RPRD1B: variants seen among roughly 807,000 people sequenced by gnomAD.
The protein encoded by RPRD1B is regulation of nuclear pre-mRNA domain-containing protein 1B.
Under a neutral mutation model 41.5 loss-of-function variants are expected in RPRD1B, and 11 were observed. That is an observed-to-expected ratio of 0.27 (90% CI 0.17 to 0.44). The LOEUF (loss-of-function observed/expected upper bound fraction) is 0.44, where lower values mean the gene tolerates loss of function less well. Among genes scored for constraint, RPRD1B ranks in the 20% least tolerant of loss-of-function variants. RPRD1B has a pLI of 1.00. For missense variants in RPRD1B, 248 were observed against 389.9 expected, an observed-to-expected ratio of 0.64 and a Z score of 3.06; for synonymous variants, 158 against 155.6, an observed-to-expected ratio of 1.02 and a Z score of -0.12.
chr20:38,083,786 A>T (rs570794631), intron 6 of RPRD1B: 1 of 152,292 alleles, frequency 6.6e-6, no homozygotes, highest in Non-Finnish European at 1.5e-5. Flanking sequence ...GATTGGAGCC[A>T]CAATTTCTTC....
intron 6 of RPRD1B, among the ~76,000 whole-genome samples, chr20:38,080,168 TC>T (rs1160687461): frequency 6.6e-6 from 1 of 152,242 alleles, no homozygotes; most frequent in African/African-American, 2.4e-5. Context: ...CTGTAAGTTG[TC>T]TTTTTGCTCT....
Position 38,069,609 on chromosome 20 carries a change from C to G in RPRD1B, c.831+3353C>G, listed in dbSNP as rs566393446. Among the ~76,000 whole-genome samples, 25 of 152,292 alleles carry G rather than the reference C, an allele frequency of 1.6e-4. No individual in the cohort carries two copies. The South Asian group carries it at 4.8e-3, about 29-fold the overall frequency. ...GCTACGTATTCATTCAGGGAGTCAGCAAAGCCTGTGCCAGCCAGATGTACA... is the reference window on the plus strand; with the variant it reads ...GCTACGTATTCATTCAGGGAGTCAGGAAAGCCTGTGCCAGCCAGATGTACA... On this transcript the variant is annotated intron_variant, in intron 6 of 6. Transcript: ENST00000373433.
intron 3 of RPRD1B, among the ~76,000 whole-genome samples, chr20:38,052,373 A>AT (rs2074194375): frequency 2.0e-5 from 3 of 152,204 alleles, no homozygotes; most frequent in Non-Finnish European, 2.9e-5. Flanking sequence ...AGTTCTAGGC[A>AT]CAACTTCCCT....
chr20:38,085,826 GT>G (rs2074555837), intron 6 of RPRD1B, among the ~76,000 whole-genome samples: 2 of 147,784 alleles, frequency 1.4e-5, no homozygotes, highest in African/African-American at 5.0e-5. Flanking sequence ...GGGGAGTTTT[GT>G]TTGGAGTCAG....
intron 6 of RPRD1B, among the ~76,000 whole-genome samples, chr20:38,067,927 G>T (rs547212374): frequency 6.6e-6 from 1 of 152,364 alleles, no homozygotes; most frequent in East Asian, 1.9e-4. Flanking sequence ...GTCAGACATT[G>T]ATTATCATGA....
chr20:38,071,239 G>C (rs1197082438), intron 6 of RPRD1B, among the ~76,000 whole-genome samples: 2 of 152,214 alleles, frequency 1.3e-5, no homozygotes, highest in African/African-American at 2.4e-5. Context: ...AATTAACCAT[G>C]CACTTCAAAG....
intron 6 of RPRD1B, among the ~76,000 whole-genome samples, chr20:38,074,636 T>A (rs2122752981): frequency 6.6e-6 from 1 of 152,326 alleles, no homozygotes; most frequent in East Asian, 1.9e-4. Context: ...GTAGCACTAA[T>A]TTTTCATATT....
intron 6 of RPRD1B, among the ~76,000 whole-genome samples, chr20:38,089,362 C>T (rs149162064): frequency 3.6e-4 from 55 of 151,852 alleles, no homozygotes; most frequent in African/African-American, 1.2e-3. Context: ...AGGTGGAGTC[C>T]GCAAAGAAAT....
chr20:38,048,228 G>T, intron 2 of RPRD1B, 120 bp from the exon 3 acceptor site: 4 of 1,019,778 alleles, frequency 3.9e-6, no homozygotes, highest in East Asian at 2.7e-5. Context: ...TACCTTATTT[G>T]GTTTTAAATG....
intron 2 of RPRD1B, among the ~76,000 whole-genome samples, chr20:38,046,559 T>C (rs542497156): frequency 1.3e-5 from 2 of 151,888 alleles, no homozygotes; most frequent in East Asian, 3.9e-4. Flanking sequence ...TGGAGAAAAA[T>C]TGAGTAGGGG....
chr20:38,052,962 T>G (rs1035320542), intron 3 of RPRD1B, among the ~76,000 whole-genome samples: 2 of 151,968 alleles, frequency 1.3e-5, no homozygotes, highest in African/African-American at 4.8e-5. Flanking sequence ...CATAAACCCT[T>G]AGGTAACGAG....
rs2073962087 is a variant in RPRD1B, at chr20:38,033,958, T to C, written c.11T>C (p.Phe4Ser). 3 of 1,611,406 alleles carry C rather than the reference T, an allele frequency of 1.9e-6. No homozygotes were observed. The highest frequency in any genetic ancestry group is 2.2e-5 in the East Asian group (1 of 44,746). MSS[F>S]SESALEKKLS... is the part of the protein sequence containing the mutation. ...CTCACTGCCGCCACCATGTCCTCCT[T>C]CTCTGAGTCGGCGCTGGAGAAGAAG... Residue 4 changes from phenylalanine (F) to serine (S), a missense_variant, in exon 1 of 7, where the codon TTC becomes TCC. Physicochemically the swap from Phe to Ser is radical, Grantham distance 155 (BLOSUM62 -2). This residue lies in a region of RPRD1B where 14 missense variants were observed against 19.9 expected (regional missense o/e 0.70). Coordinates refer to ENST00000373433, the MANE Select transcript of RPRD1B (RefSeq NM_021215.4).
rs950878015 is a variant in RPRD1B at position 38,089,890 on chromosome 20, C to A, written c.*15C>A. 6.2e-7 allele frequency: 1 copy of A among 1,607,488 alleles called. No individual in the cohort carries two copies. The highest frequency in any genetic ancestry group is 8.5e-7 in the Non-Finnish European group (1 of 1,177,210). On this transcript the variant is annotated 3_prime_UTR_variant, in exon 7 of 7. Coordinates refer to ENST00000373433, the MANE Select transcript of RPRD1B (RefSeq NM_021215.4). ...CAACTGACTAGGATGGGTGTCATGT[C>A]CCAGATTTCTGTTTGTACCAGCAGA...
At chr20:38,040,245 TTC>T (rs2074052254) in intron 1 of RPRD1B, among the ~76,000 whole-genome samples, 188 bp from the exon 2 acceptor site, 1 of 96,324 alleles carries the variant, frequency 1.0e-5, no homozygotes, top group Non-Finnish European at 1.9e-5. Context: ...CTTTTTCTTT[TTC>T]TTTTTTTTTT....
At chr20:38,053,074 T>C (rs1204657905) in intron 3 of RPRD1B, among the ~76,000 whole-genome samples, 1 of 152,110 alleles carries the variant, frequency 6.6e-6, no homozygotes, top group African/African-American at 2.4e-5. Flanking sequence ...GGACTTTGGC[T>C]ACCCCCACAG....
chr20:38,041,962 A>G (rs1267870490), intron 2 of RPRD1B, among the ~76,000 whole-genome samples: 1 of 152,214 alleles, frequency 6.6e-6, no homozygotes, highest in Non-Finnish European at 1.5e-5. Context: ...TACCATTTAT[A>G]TAGCCTCCAT....
intron 6 of RPRD1B, among the ~76,000 whole-genome samples, chr20:38,071,188 C>T (rs1310812025): frequency 1.3e-5 from 2 of 152,192 alleles, no homozygotes; most frequent in African/African-American, 2.4e-5. Flanking sequence ...TTCCAAGCTG[C>T]AGATTTATTG....
chr20:38,049,954 T>G (rs1464390926), intron 3 of RPRD1B: 2 of 420,584 alleles, frequency 4.8e-6, no homozygotes, highest in African/African-American at 4.1e-5. Flanking sequence ...CTGTTGGCAC[T>G]GCTTCCTTTC....
In RPRD1B at chr20:38,090,601, C is replaced by CTG. The variant is rs2074604037; in HGVS notation, c.*726_*727insTG. ...ATTTGCTTCAAGTTCCTAGATACAA[C>CTG]CTTCCCATGCTGCACTTCTCCACTG... is the stretch of plus-strand genomic sequence containing the variant. On this transcript the variant is annotated 3_prime_UTR_variant, in exon 7 of 7. Transcript: ENST00000373433. 4 of 985,410 alleles carry CTG rather than the reference C, an allele frequency of 4.1e-6. No individual in the cohort carries two copies. In the South Asian group the frequency reaches 1.9e-4, roughly 46 times the overall value. The allele number at this position is 985,410 out of a possible 1,614,324, so 61.0% of individuals were successfully genotyped here.
Sources: allele counts gnomAD v4.1 joint callset (sites outside exome capture counted in the v4.1 genomes callset), GRCh38; gene constraint gnomAD v4.1.1; regional missense constraint gnomAD v4.1.1; transcripts MANE v1.5; gene names NCBI Gene and HGNC (gene_info 2026-07-23, HGNC 2026-07-21).